Variants in ELAVL4 observed in about 807,000 individuals in gnomAD.
ELAVL4 encodes ELAV like RNA binding protein 4, also known as ELAV-like protein 4.
Under a neutral mutation model 35.6 loss-of-function variants are expected in ELAVL4, and 1 was observed. The observed-to-expected ratio is 0.03, with a 90% CI of 0.01 to 0.13. The LOEUF (loss-of-function observed/expected upper bound fraction) is 0.13. Ranked by LOEUF, ELAVL4 falls within the 10% of genes least tolerant of loss-of-function variation. The pLI is 1.00. For synonymous variants in ELAVL4, 156 were observed against 171.0 expected (o/e 0.91, Z 0.69); for missense variants, 267 against 464.9 (o/e 0.57, Z 3.91).
intron 1 of ELAVL4, among the ~76,000 whole-genome samples, chr1:50,077,849 T>G (rs1389350763): frequency 3.9e-5 from 6 of 152,184 alleles, no homozygotes; most frequent in African/African-American, 1.4e-4. Context: ...CTCAATAACT[T>G]TATCCCTCTG....
chr1:50,155,277 A>T (rs936132891), intron 2 of ELAVL4, among the ~76,000 whole-genome samples: 2 of 149,254 alleles, frequency 1.3e-5, no homozygotes. Context: ...ACATCAATGA[A>T]AATGAATGGT....
At chr1:50,176,175 C>T (rs1679997582) in intron 2 of ELAVL4, among the ~76,000 whole-genome samples, 2 of 152,290 alleles carry the variant, frequency 1.3e-5, no homozygotes, top group South Asian at 4.1e-4. Flanking sequence ...CACTTGCTAC[C>T]TCTCTTTGCA....
chr1:50,083,753 G>T (rs2148498649), intron 1 of ELAVL4, among the ~76,000 whole-genome samples: 1 of 152,306 alleles, frequency 6.6e-6, no homozygotes, highest in East Asian at 1.9e-4. Context: ...GAAAGGAAAA[G>T]AATGCTTACT....
chr1:50,170,099 A>C (rs758401381), intron 2 of ELAVL4, among the ~76,000 whole-genome samples: 1 of 152,204 alleles, frequency 6.6e-6, no homozygotes, highest in Non-Finnish European at 1.5e-5. Flanking sequence ...TCTACCTTCA[A>C]GAAGGTTGCG....
At chr1:50,104,411 G>A (rs2148516729), upstream of ELAVL4, among the ~76,000 whole-genome samples, 1 of 152,306 alleles carries the variant, frequency 6.6e-6, no homozygotes, top group South Asian at 2.1e-4. Flanking sequence ...ACCAGAATTT[G>A]ATGAGAGCAA....
chr1:50,117,595 T>C (rs1217634615), intron 1 of ELAVL4, among the ~76,000 whole-genome samples: 18 of 152,140 alleles, frequency 1.2e-4, no homozygotes, highest in Non-Finnish European at 2.4e-4. Context: ...GTGATGACAA[T>C]ATCTAACTCA....
intron 6 of ELAVL4, 78 bp downstream of exon 6, chr1:50,197,545 AACTTT>A (rs1158309801): frequency 8.5e-6 from 11 of 1,294,078 alleles, no homozygotes; most frequent in Non-Finnish European, 1.0e-5. Flanking sequence ...TTAATTCACT[AACTTT>A]ACTTTAAAAG....
At chr1:50,171,748 C>A (rs1276799954) in intron 2 of ELAVL4, among the ~76,000 whole-genome samples, 1 of 152,184 alleles carries the variant, frequency 6.6e-6, no homozygotes, top group African/African-American at 2.4e-5. Context: ...GCAGTAACAA[C>A]CATTCATCTG....
intron 1 of ELAVL4, among the ~76,000 whole-genome samples, chr1:50,142,125 G>A (rs1019369643): frequency 4.6e-5 from 7 of 152,218 alleles, no homozygotes. Flanking sequence ...TTTTGCTGAA[G>A]AGGAAGCTGA....
At chr1:50,184,245 T>G (rs1479073868) in intron 3 of ELAVL4, among the ~76,000 whole-genome samples, 2 of 152,154 alleles carry the variant, frequency 1.3e-5, no homozygotes, top group East Asian at 3.9e-4. Context: ...TATCTTGAAG[T>G]TCATTCATAG....
At chr1:50,088,755 C>T (rs754139209) in intron 1 of ELAVL4, among the ~76,000 whole-genome samples, 9 of 152,124 alleles carry the variant, frequency 5.9e-5, no homozygotes, top group Non-Finnish European at 1.2e-4. Flanking sequence ...CCTTCAATCA[C>T]TCGGTGCACT....
chr1:50,050,879 T>C (rs1663327389), intron 1 of ELAVL4, among the ~76,000 whole-genome samples: 1 of 152,180 alleles, frequency 6.6e-6, no homozygotes, highest in East Asian at 1.9e-4. Flanking sequence ...CTAAGTGAAA[T>C]ATGTAAAGTG....
chr1:50,077,539 T>G (rs1030109235), intron 1 of ELAVL4, among the ~76,000 whole-genome samples: 5 of 152,144 alleles, frequency 3.3e-5, no homozygotes, highest in African/African-American at 1.2e-4. Flanking sequence ...ATGACTTTAT[T>G]CAGTCTACTG....
At position 50,201,124 on chromosome 1, in the gene ELAVL4, G is replaced by A; in HGVS notation, c.1047G>A (p.Leu349=). Residue 349 remains leucine (L), a synonymous_variant, in exon 7 of 7, where the codon CTG becomes CTA. Transcript: ENST00000371824. The surrounding 1 kb of genome is among the most constrained non-coding windows in gnomAD (Gnocchi z 4.3). ...TCGCCAGCCTCAACGGGTACCGCCT[G>A]GGAGACAGAGTGTTGCAAGTTTCCT... The part of the protein sequence containing the change: ...MAIASLNGYR[L]GDRVLQVSFK... 6.2e-7 allele frequency: 1 copy of A among 1,612,638 alleles called. No homozygotes were observed. Among genetic ancestry groups the A allele is most frequent in the Non-Finnish European group, 8.5e-7 (1 of 1,179,154 alleles).
intron 2 of ELAVL4, among the ~76,000 whole-genome samples, chr1:50,169,785 T>G (rs1452247849): frequency 1.3e-5 from 2 of 152,222 alleles, no homozygotes; most frequent in African/African-American, 4.8e-5. Flanking sequence ...CCTTCCCTAC[T>G]CTACTCAGTC....
chr1:50,110,494 A>G (rs1481683186), intron 1 of ELAVL4, among the ~76,000 whole-genome samples: 1 of 152,176 alleles, frequency 6.6e-6, no homozygotes, highest in Non-Finnish European at 1.5e-5. Flanking sequence ...ATCTATTTTT[A>G]GCATCATCTT....
At chr1:50,152,102 A>G (rs144704405) in intron 2 of ELAVL4, among the ~76,000 whole-genome samples, 1 of 152,114 alleles carries the variant, frequency 6.6e-6, no homozygotes, top group African/African-American at 2.4e-5. Context: ...CAGGTACATT[A>G]TGCATCTTCT....
intron 1 of ELAVL4, among the ~76,000 whole-genome samples, chr1:50,136,712 C>CTGAAAGTAGAG (rs1414628622): frequency 6.6e-6 from 1 of 152,116 alleles, no homozygotes; most frequent in African/African-American, 2.4e-5. Flanking sequence ...TTAAAGGTAG[C>CTGAAAGTAGAG]TGAAAGTAGA....
chr1:50,115,482 G>A (rs1667790154), intron 1 of ELAVL4, among the ~76,000 whole-genome samples: 1 of 151,474 alleles, frequency 6.6e-6, no homozygotes, highest in African/African-American at 2.4e-5. Flanking sequence ...AACCTCCCTT[G>A]GACTCTTCAT....
Sources: gnomAD v4.1 joint callset for allele counts (sites outside exome capture counted in the v4.1 genomes callset) on GRCh38, gnomAD v4.1.1 for gene constraint, Gnocchi (gnomAD v3.1) non-coding constraint, MANE v1.5 for transcripts, NCBI Gene and HGNC (gene_info 2026-07-23, HGNC 2026-07-21) for gene names.